The following BIN1 variants were observed in gnomAD, a reference collection of about 807,000 sequenced individuals.
BIN1 encodes the protein bridging integrator 1.
BIN1 carries 53 observed loss-of-function variants against 82.0 expected under a neutral mutation model. That is an observed-to-expected ratio of 0.65 (90% CI 0.52 to 0.81). The LOEUF is 0.81. Among genes scored for constraint, BIN1 ranks in the 40% least tolerant of loss-of-function variants. The pLI is 0.00. For synonymous variants in BIN1, 302 were observed against 328.0 expected (o/e 0.92, Z 0.86); for missense variants, 642 against 784.4 (o/e 0.82, Z 2.17).
intron 1 of BIN1, among the ~76,000 whole-genome samples, chr2:127,089,737 C>T (rs1361651336): frequency 2.6e-5 from 4 of 152,148 alleles, no homozygotes; most frequent in Admixed American, 1.3e-4. Flanking sequence ...TGGTAGGAGA[C>T]ACTGCTGGGG....
intron 1 of BIN1, among the ~76,000 whole-genome samples, chr2:127,097,162 A>G (rs1031610537): frequency 6.6e-6 from 1 of 152,154 alleles, no homozygotes; most frequent in African/African-American, 2.4e-5. Context: ...CTCTGCAACA[A>G]AAGGACCCCT....
Position 127,068,683 on chromosome 2 carries a change from A to G in BIN1, c.519+241T>C, listed in dbSNP as rs114446285. ...CCAGGAGGCCCATTCTCAGGCTGGC[A>G]GGTGGCCTGGATCAGGGCTGAGGGG... On this transcript the variant is annotated intron_variant, in intron 6 of 18. Transcript: ENST00000316724. This position sits in a 1 kb window ranked among gnomAD's most constrained non-coding sequence, Gnocchi z 4.9. Among the ~76,000 whole-genome samples the G allele has an allele frequency of 0.17, 25,568 of 152,124 alleles. 2,413 individuals are homozygous for G. Among genetic ancestry groups the G allele is most frequent in the Middle Eastern group, 0.23 (67 of 294 alleles).
intron 12 of BIN1, among the ~76,000 whole-genome samples, chr2:127,056,952 A>G (rs1683759611): frequency 6.6e-6 from 1 of 152,230 alleles, no homozygotes. Context: ...GAGAGACCCA[A>G]GCCCCCCTGG....
At chr2:127,104,799 C>T (rs80028059) in intron 1 of BIN1, among the ~76,000 whole-genome samples, 2,557 of 152,222 alleles carry the variant, frequency 0.017, 33 homozygotes, top group Middle Eastern at 0.058. Context: ...GGGCTTCCTG[C>T]GAGCAGGGCC....
intron 1 of BIN1, among the ~76,000 whole-genome samples, chr2:127,087,290 C>T (rs1030820034): frequency 6.6e-6 from 1 of 152,170 alleles, no homozygotes; most frequent in Non-Finnish European, 1.5e-5. Context: ...GCAGGGTCTC[C>T]TCCTCCACAC....
intron 1 of BIN1, among the ~76,000 whole-genome samples, chr2:127,079,861 T>C (rs1044268761): frequency 5.9e-5 from 9 of 152,020 alleles, no homozygotes; most frequent in Non-Finnish European, 1.0e-4. Context: ...AGCCTCAGGC[T>C]CCTCCCAGAC....
chr2:127,079,093 C>T (rs2105168584), intron 1 of BIN1, among the ~76,000 whole-genome samples: 1 of 152,330 alleles, frequency 6.6e-6, no homozygotes, highest in Non-Finnish European at 1.5e-5. Flanking sequence ...ACACTGGCCA[C>T]CAGGGCTCCT....
At chr2:127,063,538 G>C (rs1272311756) in intron 9 of BIN1, 33 bp downstream of exon 9, 1 of 1,604,366 alleles carries the variant, frequency 6.2e-7, no homozygotes, top group Admixed American at 1.7e-5. Context: ...CCAGGGTGGG[G>C]TGTGGCCCCT....
chr2:127,057,359 A>G lies in BIN1; in HGVS notation c.1131+114T>C. ...CAAAGGGTGAGAGAGGGAAACTGAC[A>G]CTCTCTCTGGCCAGATTCCTGGCTC... On this transcript the variant is annotated intron_variant, in intron 12 of 18. Coordinates refer to ENST00000316724, the MANE Select transcript of BIN1 (RefSeq NM_139343.3). The surrounding 1 kb of genome is among the most constrained non-coding windows in gnomAD (Gnocchi z 5.0). 2 of 1,321,028 alleles carry G rather than the reference A, an allele frequency of 1.5e-6. No individual in the cohort carries two copies. The highest frequency in any genetic ancestry group is 2.0e-6 in the Non-Finnish European group (2 of 1,002,874). 81.8% of individuals were successfully genotyped at this position (1,321,028 alleles called of 1,614,324 possible).
Position 127,067,464 on chromosome 2 carries a change from T to C in BIN1, c.612+699A>G, listed in dbSNP as rs1283599406. Among the ~76,000 whole-genome samples the C allele has an allele frequency of 6.6e-6, 1 of 152,040 alleles. No homozygotes were observed. The highest frequency in any genetic ancestry group is 1.9e-4 in the East Asian group (1 of 5,182). ...ATGGTGAGATGGCCCAGGAGTTTTG[T>C]AAAAAAGCCTCCTCCGGGAAGCCCC... On this transcript the variant is annotated intron_variant, in intron 7 of 18. Coordinates refer to ENST00000316724, the MANE Select transcript of BIN1 (RefSeq NM_139343.3). This position sits in a 1 kb window ranked among gnomAD's most constrained non-coding sequence, Gnocchi z 4.7.
At chr2:127,081,917 G>A in intron 1 of BIN1, 1 of 1,266,456 alleles carries the variant, frequency 7.9e-7, no homozygotes, top group Non-Finnish European at 1.0e-6. Context: ...TCCCAGCAGA[G>A]CCTGCGGTCG....
Position 127,052,361 on chromosome 2 carries a change from G to T in BIN1, c.1265C>A (p.Pro422His). ...GQSIPWDLWEPTESPAGSLPS... is the reference protein window; with the variant it reads ...GQSIPWDLWEHTESPAGSLPS... The stretch of plus-strand genomic sequence containing the variant: ...CAGGCTGCCGGCTGGACTCTCTGTG[G>T]GCTGGTAACAGGCCACGAGGAGAGA... Residue 422 changes from proline to histidine, a missense_variant and splice_region_variant, in exon 15 of 19, where the codon CCC becomes CAC. Transcript: ENST00000316724. The T allele has an allele frequency of 6.3e-7, 1 of 1,575,606 alleles. No individual in the cohort carries two copies.
chr2:127,068,356 G>A lies in BIN1; in HGVS notation c.520-101C>T, dbSNP rs1304667638. 5.2e-5 allele frequency: 48 copies of A among 921,018 alleles called. No homozygotes were observed. Among genetic ancestry groups the A allele is most frequent in the Admixed American group, 1.3e-4 (6 of 47,956 alleles). The allele number at this position is 921,018 out of a possible 1,614,324, so 57.1% of individuals were successfully genotyped here. On this transcript the variant is annotated intron_variant, in intron 6 of 18. Coordinates refer to ENST00000316724, the MANE Select transcript of BIN1 (RefSeq NM_139343.3). This position sits in a 1 kb window ranked among gnomAD's most constrained non-coding sequence, Gnocchi z 4.9. ...TTAAATGCAGGTCCACACGCCCCACGCGCGGGGGCCACCCCAAGCAGATAT... is the reference window on the plus strand; with the variant it reads ...TTAAATGCAGGTCCACACGCCCCACACGCGGGGGCCACCCCAAGCAGATAT...
chr2:127,053,894 G>A lies in BIN1; in HGVS notation c.1239+11C>T, dbSNP rs1204291997. 5.8e-6 allele frequency: 9 copies of A among 1,550,292 alleles called. No individual in the cohort carries two copies. The highest frequency in any genetic ancestry group is 7.0e-6 in the Non-Finnish European group (8 of 1,146,534). Reference sequence around the variant, plus strand: ...CTGGTGGGCCCATGGGCAGTGGTGGGCACAACCAACCTGACCAGAGGGCGT... The same window carrying A: ...CTGGTGGGCCCATGGGCAGTGGTGGACACAACCAACCTGACCAGAGGGCGT... On this transcript the variant is annotated intron_variant, in intron 13 of 18. Transcript: ENST00000316724.
At chr2:127,058,955 A>C in intron 11 of BIN1, 56 bp downstream of exon 11, 1 of 1,547,962 alleles carries the variant, frequency 6.5e-7, no homozygotes, top group South Asian at 1.2e-5. Context: ...GACAACAGCA[A>C]AGCCGGAGGA....
At chr2:127,077,237 C>T (rs1388512215) in intron 1 of BIN1, among the ~76,000 whole-genome samples, 1 of 151,970 alleles carries the variant, frequency 6.6e-6, no homozygotes, top group African/African-American at 2.4e-5. Flanking sequence ...CAGGAGCTGC[C>T]GGGGGCCACG....
intron 1 of BIN1, among the ~76,000 whole-genome samples, chr2:127,080,639 A>AGTC (rs1343431795): frequency 3.9e-5 from 6 of 152,164 alleles, no homozygotes; most frequent in Non-Finnish European, 8.8e-5. Flanking sequence ...CAGAGCCAAC[A>AGTC]GTCCCAGGAG....
At chr2:127,081,968 T>G in intron 1 of BIN1, 1 of 1,120,560 alleles carries the variant, frequency 8.9e-7, no homozygotes, top group Non-Finnish European at 1.2e-6. Flanking sequence ...TGCCCCGGCG[T>G]TCTCACACCG....
intron 1 of BIN1, chr2:127,081,844 C>A: frequency 7.8e-7 from 1 of 1,288,146 alleles, no homozygotes; most frequent in Non-Finnish European, 1.0e-6. Context: ...TCCGCATCAT[C>A]TCCTCCCCAC....
Sources: gnomAD v4.1 joint callset for allele counts (sites outside exome capture counted in the v4.1 genomes callset) on GRCh38, gnomAD v4.1.1 for gene constraint, Gnocchi (gnomAD v3.1) non-coding constraint, MANE v1.5 for transcripts, NCBI Gene and HGNC (gene_info 2026-07-23, HGNC 2026-07-21) for gene names.